Variants in SERPINE3 observed in about 807,000 individuals in gnomAD.
The protein encoded by SERPINE3 is serpin family E member 3.
SERPINE3 carries 43 observed loss-of-function variants against 41.7 expected under a neutral mutation model. The ratio of observed to expected loss-of-function variants is 1.03; its 90% confidence interval spans 0.81 to 1.33. The LOEUF (loss-of-function observed/expected upper bound fraction) is 1.33. Ranked by LOEUF, SERPINE3 falls within the 40% of genes most tolerant of loss-of-function variation. The pLI, the probability that SERPINE3 is intolerant of heterozygous loss-of-function variation, is 0.00. For synonymous variants in SERPINE3, 200 were observed against 192.2 expected (o/e 1.04, Z -0.34); for missense variants, 440 against 491.7 (o/e 0.89, Z 0.99).
At chr13:51,359,632 AT>A (rs934089334) in intron 7 of SERPINE3, among the ~76,000 whole-genome samples, 1 of 152,066 alleles carries the variant, frequency 6.6e-6, no homozygotes, top group Non-Finnish European at 1.5e-5. Flanking sequence ...ATACAGACAC[AT>A]TTACTGTATT....
intron 4 of SERPINE3, 142 bp from the exon 5 acceptor site, chr13:51,346,883 A>T: frequency 1.6e-6 from 1 of 628,918 alleles, no homozygotes; most frequent in Non-Finnish European, 2.8e-6. Context: ...AAGATATTGT[A>T]AGATGAAGAG....
chr13:51,345,225 C>T (rs1197216645), intron 4 of SERPINE3, among the ~76,000 whole-genome samples: 1 of 152,118 alleles, frequency 6.6e-6, no homozygotes, highest in African/African-American at 2.4e-5. Flanking sequence ...CAGCCTCCTG[C>T]CCAGGGTCCA....
intron 7 of SERPINE3, among the ~76,000 whole-genome samples, chr13:51,358,132 T>C (rs1050491086): frequency 2.0e-5 from 3 of 152,034 alleles, no homozygotes; most frequent in African/African-American, 7.2e-5. Flanking sequence ...GCACTCTCTC[T>C]CCCTCTCCTG....
rs1365705488 is a variant in SERPINE3, at chr13:51,347,056, G to A, written c.522G>A (p.Trp174Ter). The change falls in exon 5 of 10, where the codon TGG becomes TGA. Residue 174 changes from tryptophan (W) to a stop codon, truncating the protein, a stop_gained. Coordinates refer to ENST00000681248, the MANE Select transcript of SERPINE3 (RefSeq NM_001386375.1). LOFTEE classifies it high-confidence loss of function. ...GCCCCAGTGAGGGCCCTGGTGGCTGGCCGTGGGAGCAAGTCAGTGCAGCAT... is the reference window on the plus strand; with the variant it reads ...GCCCCAGTGAGGGCCCTGGTGGCTGACCGTGGGAGCAAGTCAGTGCAGCAT... ...GGGPSEGPGG[W>*]PWEQVSAAFA... 2 of 1,594,426 alleles carry A rather than the reference G, an allele frequency of 1.3e-6. No homozygotes were observed. The highest frequency in any genetic ancestry group is 8.5e-7 in the Non-Finnish European group (1 of 1,170,364).
intron 6 of SERPINE3, 128 bp downstream of exon 6, chr13:51,348,539 C>A: frequency 1.4e-6 from 1 of 706,164 alleles, no homozygotes; most frequent in Non-Finnish European, 2.3e-6. Flanking sequence ...ATATGTATCC[C>A]CAGAAGTTAG....
At chr13:51,364,209 A>G (rs1333129095) in intron 9 of SERPINE3, 30 bp from the exon 10 acceptor site, 1 of 1,192,814 alleles carries the variant, frequency 8.4e-7, no homozygotes, top group Non-Finnish European at 1.2e-6. Flanking sequence ...AAAATACTAT[A>G]TAATATTAAA....
rs1955577964 is a variant in SERPINE3, at chr13:51,361,645, T to A, written c.1088-165T>A. 7 of 631,622 alleles carry A rather than the reference T, an allele frequency of 1.1e-5. No individual in the cohort carries two copies. In the South Asian group the frequency reaches 1.5e-4, roughly 14 times the overall value. 39.1% of individuals were successfully genotyped at this position (631,622 alleles called of 1,614,324 possible). A position where few individuals can be genotyped will look rare whatever the true frequency, so the allele number is the denominator to read the frequency against. ...AGGAGACAGGATTGGCTAAATGGCA[T>A]CTTTTCTCTTTAATTTTCCCATCTG... On this transcript the variant is annotated intron_variant, in intron 8 of 9. Coordinates refer to ENST00000681248, the MANE Select transcript of SERPINE3 (RefSeq NM_001386375.1).
intron 6 of SERPINE3, among the ~76,000 whole-genome samples, chr13:51,350,178 G>C (rs1376567147): frequency 6.6e-6 from 1 of 152,148 alleles, no homozygotes; most frequent in African/African-American, 2.4e-5. Context: ...GCAAAATTGT[G>C]TGACTATGAG....
chr13:51,349,967 C>T (rs1218079689), intron 6 of SERPINE3, among the ~76,000 whole-genome samples: 2 of 151,692 alleles, frequency 1.3e-5, no homozygotes, highest in Non-Finnish European at 2.9e-5. Context: ...GGGAACAAAA[C>T]AAAAAAAGTA....
At position 51,341,194 on chromosome 13, in the gene SERPINE3, C is replaced by T. The variant is rs1037626818; in HGVS notation, c.103C>T (p.Leu35Phe). The change falls in exon 3 of 10, where the codon CTT (leucine) becomes TTT (phenylalanine). Residue 35 changes from leucine (L) to phenylalanine (F), a missense_variant. Leu to Phe is a conservative substitution (Grantham distance 22, BLOSUM62 0). Coordinates refer to ENST00000681248, the MANE Select transcript of SERPINE3 (RefSeq NM_001386375.1). ...GACATTGCTGAAGACTGAGTTTGCA[C>T]TTCACCTCTACCAGAGTGTGGCCGC... is the stretch of plus-strand genomic sequence containing the variant. ...GMTLLKTEFA[L>F]HLYQSVAACR... 3.7e-6 allele frequency: 6 copies of T among 1,614,056 alleles called. No individual in the cohort carries two copies. Among genetic ancestry groups the T allele is most frequent in the Non-Finnish European group, 3.4e-6 (4 of 1,179,904 alleles).
chr13:51,364,501 T>G lies in SERPINE3; in HGVS notation c.*219T>G. On this transcript the variant is annotated 3_prime_UTR_variant, in exon 10 of 10. Coordinates refer to ENST00000681248, the MANE Select transcript of SERPINE3 (RefSeq NM_001386375.1). ...TATTTTGACCTTCTTTTCTACTGCTTACCCCCCAAACCACTAAAAGGCACA... is the reference window on the plus strand; with the variant it reads ...TATTTTGACCTTCTTTTCTACTGCTGACCCCCCAAACCACTAAAAGGCACA... The G allele has an allele frequency of 2.2e-6, 1 of 446,120 alleles. No homozygotes were observed. Among genetic ancestry groups the G allele is most frequent in the Non-Finnish European group, 4.0e-6 (1 of 252,490 alleles). The allele number at this position is 446,120 out of a possible 1,614,324, so 27.6% of individuals were successfully genotyped here. A position where few individuals can be genotyped will look rare whatever the true frequency, so the allele number is the denominator to read the frequency against.
intron 7 of SERPINE3, among the ~76,000 whole-genome samples, chr13:51,361,002 C>T (rs7983548): frequency 0.068 from 10,333 of 151,916 alleles, 376 homozygotes; most frequent in East Asian, 0.15. Flanking sequence ...TGGGGCAGTG[C>T]TCTGAATATT....
chr13:51,362,332 T>C (rs1307183493), intron 9 of SERPINE3: 4 of 206,140 alleles, frequency 1.9e-5, no homozygotes, highest in Non-Finnish European at 3.8e-5. Context: ...TGCACCTGGA[T>C]TTCTATACTG....
In SERPINE3 at chr13:51,347,090, C is replaced by T; in HGVS notation, c.556C>T (p.Leu186Phe). The change falls in exon 5 of 10, where the codon CTT becomes TTT. Residue 186 changes from leucine (L) to phenylalanine (F), a missense_variant. Coordinates refer to ENST00000681248, the MANE Select transcript of SERPINE3 (RefSeq NM_001386375.1). ...GCAAGTCAGTGCAGCATTTGCTCAG[C>T]TTGTGCTTGTGAGCACCATGTCCTT... ...WEQVSAAFAQ[L>F]VLVSTMSFQG... 6.2e-7 allele frequency: 1 copy of T among 1,608,226 alleles called. No individual in the cohort carries two copies. The highest frequency in any genetic ancestry group is 8.5e-7 in the Non-Finnish European group (1 of 1,177,392).
At chr13:51,346,647 C>A (rs186024464) in intron 4 of SERPINE3, among the ~76,000 whole-genome samples, 10 of 152,356 alleles carry the variant, frequency 6.6e-5, no homozygotes, top group Admixed American at 3.3e-4. Context: ...CCTCTCCACA[C>A]CCTCATCCCC....
At chr13:51,361,957 C>A (rs1955586599) in intron 9 of SERPINE3, 64 bp downstream of exon 9, 2 of 1,611,622 alleles carry the variant, frequency 1.2e-6, no homozygotes, top group South Asian at 2.2e-5. Context: ...AACAAGGGCT[C>A]ATTTGTCCAC....
chr13:51,349,380 A>G (rs1394362841), intron 6 of SERPINE3, among the ~76,000 whole-genome samples: 1 of 152,236 alleles, frequency 6.6e-6, no homozygotes, highest in Non-Finnish European at 1.5e-5. Flanking sequence ...ACTCTAAGGT[A>G]AAGTGTATCT....
At chr13:51,352,399 C>CA (rs1335794102) in intron 6 of SERPINE3, among the ~76,000 whole-genome samples, 44 of 151,892 alleles carry the variant, frequency 2.9e-4, no homozygotes, top group Middle Eastern at 6.8e-3. Flanking sequence ...ATAGCGTATA[C>CA]AAACACAATT....
intron 7 of SERPINE3, among the ~76,000 whole-genome samples, chr13:51,361,066 G>A (rs912196517): frequency 2.6e-5 from 4 of 151,994 alleles, no homozygotes; most frequent in African/African-American, 9.7e-5. Context: ...ACAAATTAAA[G>A]TTTGGTAACA....
Sources: gnomAD v4.1 joint callset for allele counts (sites outside exome capture counted in the v4.1 genomes callset) on GRCh38, gnomAD v4.1.1 for gene constraint, MANE v1.5 for transcripts, NCBI Gene and HGNC (gene_info 2026-07-23, HGNC 2026-07-21) for gene names.